SKAP1: variants seen among roughly 807,000 people sequenced by gnomAD.
SKAP1 encodes src kinase associated phosphoprotein 1.
A neutral mutation model predicts 58.5 loss-of-function variants in SKAP1; 44 were observed. The ratio of observed to expected loss-of-function variants is 0.75; its 90% CI spans 0.59 to 0.97. The LOEUF (loss-of-function observed/expected upper bound fraction) is 0.97. Ranked by LOEUF, SKAP1 falls within the 50% of genes least tolerant of loss-of-function variation. The probability of loss-of-function intolerance (pLI) is 0.00; values close to 1 mark genes in which losing one functional copy is unlikely to be tolerated. For synonymous variants in SKAP1, 127 were observed against 149.7 expected, an observed-to-expected ratio of 0.85 and a Z score of 1.11; for missense variants, 390 against 435.2, an observed-to-expected ratio of 0.90 and a Z score of 0.92.
intron 3 of SKAP1, among the ~76,000 whole-genome samples, chr17:48,355,430 C>T (rs1438317574): frequency 6.6e-6 from 1 of 152,006 alleles, no homozygotes; most frequent in Non-Finnish European, 1.5e-5. Flanking sequence ...GGTGCACACC[C>T]CCATGCTTGG....
At chr17:48,154,682 A>T (rs2063948949) in intron 11 of SKAP1, among the ~76,000 whole-genome samples, 1 of 152,046 alleles carries the variant, frequency 6.6e-6, no homozygotes, top group East Asian at 1.9e-4. Flanking sequence ...TCCCTCTTTA[A>T]TTTGTCCTTA....
rs769061048 is a variant in SKAP1, at chr17:48,180,110, C to T, written c.770G>A (p.Gly257Glu). The T allele has an allele frequency of 5.6e-6, 9 of 1,612,244 alleles. No individual in the cohort carries two copies. The highest frequency in any genetic ancestry group is 2.2e-5 in the East Asian group (1 of 44,848). Residue 257 changes from glycine (G) to glutamate (E), a missense_variant, in exon 9 of 13, where the codon GGG (glycine) becomes GAG (glutamate). Transcript: ENST00000336915. ...TTTCTCCTCTGTAGGCTCTTTTATCCCCACACTCCCAGGCAAGATAGTGGG... is the reference window on the plus strand; with the variant it reads ...TTTCTCCTCTGTAGGCTCTTTTATCTCCACACTCCCAGGCAAGATAGTGGG... ...CRPTILPGSVGIKEPTEEKEE... is the reference protein window; with the variant it reads ...CRPTILPGSVEIKEPTEEKEE...
chr17:48,423,925 TTTTTA>T (rs1413225915), intron 1 of SKAP1, among the ~76,000 whole-genome samples: 2 of 152,112 alleles, frequency 1.3e-5, no homozygotes, highest in Non-Finnish European at 2.9e-5. Flanking sequence ...CCTGGCCCGA[TTTTTA>T]TTTTAAGACA....
At chr17:48,204,868 A>G (rs1324838530) in intron 4 of SKAP1, among the ~76,000 whole-genome samples, 1 of 152,144 alleles carries the variant, frequency 6.6e-6, no homozygotes, top group Non-Finnish European at 1.5e-5. Flanking sequence ...CATAAGACCA[A>G]CTACTAAAAT....
chr17:48,157,452 C>T (rs2063994343), intron 11 of SKAP1, among the ~76,000 whole-genome samples: 1 of 151,614 alleles, frequency 6.6e-6, no homozygotes, highest in South Asian at 2.1e-4. Flanking sequence ...CCAGGCTGGT[C>T]TTGAACTCCT....
intron 10 of SKAP1, among the ~76,000 whole-genome samples, chr17:48,168,749 T>A (rs1180697980): frequency 6.6e-6 from 1 of 152,184 alleles, no homozygotes; most frequent in Non-Finnish European, 1.5e-5. Context: ...GAATTCACAC[T>A]GTCCTAGAGC....
intron 4 of SKAP1, among the ~76,000 whole-genome samples, chr17:48,192,859 C>A (rs914128015): frequency 3.3e-5 from 5 of 152,170 alleles, no homozygotes; most frequent in African/African-American, 4.8e-5. Context: ...CAAGGGATAG[C>A]ACCATCACCA....
At chr17:48,381,095 C>A (rs925258322) in intron 2 of SKAP1, among the ~76,000 whole-genome samples, 2 of 152,220 alleles carry the variant, frequency 1.3e-5, no homozygotes, top group South Asian at 2.1e-4. Context: ...CATAGGCAAC[C>A]TTTGACATTC....
chr17:48,238,771 G>A (rs1469471783), intron 4 of SKAP1, among the ~76,000 whole-genome samples: 1 of 152,174 alleles, frequency 6.6e-6, no homozygotes, highest in Non-Finnish European at 1.5e-5. Flanking sequence ...CATGGATATG[G>A]AGCTCCATCA....
At chr17:48,313,230 A>G (rs2066247096) in intron 4 of SKAP1, among the ~76,000 whole-genome samples, 1 of 152,062 alleles carries the variant, frequency 6.6e-6, no homozygotes, top group South Asian at 2.1e-4. Flanking sequence ...ACCTTTGACA[A>G]GATTCCCCAT....
intron 1 of SKAP1, among the ~76,000 whole-genome samples, chr17:48,414,672 A>G (rs896153141): frequency 3.9e-5 from 6 of 152,166 alleles, no homozygotes; most frequent in African/African-American, 1.2e-4. Context: ...AAGTCAGGGT[A>G]GGAAAAGCAA....
At chr17:48,327,563 T>C (rs1477266873) in intron 4 of SKAP1, among the ~76,000 whole-genome samples, 2 of 152,220 alleles carry the variant, frequency 1.3e-5, no homozygotes, top group African/African-American at 2.4e-5. Context: ...ATTTATCCAT[T>C]TAAGTACAGG....
intron 1 of SKAP1, among the ~76,000 whole-genome samples, chr17:48,398,112 G>C (rs79518242): frequency 0.012 from 1,768 of 152,252 alleles, 26 homozygotes; most frequent in Non-Finnish European, 0.018. Context: ...TCAGTGATCT[G>C]ATAATTATGA....
At chr17:48,350,458 G>A (rs1177686482) in intron 3 of SKAP1, among the ~76,000 whole-genome samples, 4 of 152,196 alleles carry the variant, frequency 2.6e-5, no homozygotes, top group Non-Finnish European at 5.9e-5. Context: ...CACTTTGGGA[G>A]GCCGAGGCAG....
chr17:48,410,934 CAAAAAAAAAAAA>C (rs61705374), intron 1 of SKAP1, among the ~76,000 whole-genome samples: 23 of 66,972 alleles, frequency 3.4e-4, no homozygotes, highest in East Asian at 2.1e-3. Flanking sequence ...GACTCCATTT[CAAAAAAAAAAAA>C]AAAAAAAAAA....
rs1337949712 is a variant in SKAP1 at position 48,180,071 on chromosome 17, A to C, written c.809T>G (p.Ile270Ser). The stretch of plus-strand genomic sequence containing the variant: ...TTTCTCACCTGGCAAGACTTCATAA[A>C]TATCTTCTTCTTCTTTCTCCTCTGT... ...EPTEEKEEED[I>S]YEVLPDEEHD... Residue 270 changes from isoleucine (I) to serine (S), a missense_variant, in exon 9 of 13, where the codon ATT becomes AGT. Coordinates refer to ENST00000336915, the MANE Select transcript of SKAP1 (RefSeq NM_003726.4). 1 of 1,592,600 alleles carries C rather than the reference A, an allele frequency of 6.3e-7. No individual in the cohort carries two copies. The highest frequency in any genetic ancestry group is 1.2e-5 in the South Asian group (1 of 86,574).
intron 1 of SKAP1, among the ~76,000 whole-genome samples, chr17:48,428,656 C>T (rs1229221519): frequency 6.6e-6 from 1 of 152,040 alleles, no homozygotes; most frequent in Non-Finnish European, 1.5e-5. Flanking sequence ...TGACAGATAC[C>T]AATAAAAAGA....
chr17:48,304,546 G>A (rs534473599), intron 4 of SKAP1, among the ~76,000 whole-genome samples: 98 of 152,250 alleles, frequency 6.4e-4, no homozygotes, highest in Admixed American at 9.8e-4. Context: ...GCTGTATCAC[G>A]AGAGACTCAG....
At chr17:48,342,768 G>A (rs1387713935) in intron 4 of SKAP1, among the ~76,000 whole-genome samples, 2 of 152,142 alleles carry the variant, frequency 1.3e-5, no homozygotes, top group South Asian at 2.1e-4. Flanking sequence ...GGTGGATCAC[G>A]AAGTCAGGAG....
Sources: gnomAD v4.1 joint callset for allele counts (sites outside exome capture counted in the v4.1 genomes callset) on GRCh38, gnomAD v4.1.1 for gene constraint, MANE v1.5 for transcripts, NCBI Gene and HGNC (gene_info 2026-07-23, HGNC 2026-07-21) for gene names.